Variants in VGLL3 observed in about 807,000 individuals in gnomAD.
VGLL3 encodes the protein transcription cofactor vestigial-like protein 3.
A neutral mutation model predicts 29.2 loss-of-function variants in VGLL3; 18 were observed. That is an observed-to-expected ratio of 0.62 (90% CI 0.43 to 0.91). VGLL3 has a LOEUF of 0.91. VGLL3 is among the 40% of genes least tolerant of loss of function. The probability of loss-of-function intolerance (pLI) is 0.00; values close to 1 mark genes in which losing one functional copy is unlikely to be tolerated. For missense variants in VGLL3, 440 were observed against 413.2 expected (o/e 1.06, Z -0.56); for synonymous variants, 180 against 151.8 (o/e 1.19, Z -1.36).
rs566410835 is a variant in VGLL3, at chr3:86,938,233, C to T, written c.*8791G>A. ...GGTAAACATTGTGTAATCATTATCA[C>T]AATCAAATTAATTAATACAACCATA... On this transcript the variant is annotated 3_prime_UTR_variant, in exon 4 of 4. Transcript: ENST00000398399. The T allele has an allele frequency of 5.9e-5, 9 of 152,174 alleles. No individual in the cohort carries two copies. The highest frequency in any genetic ancestry group is 1.7e-4 in the African/African-American group (7 of 41,524). The allele number at this position is 152,174 out of a possible 1,614,324, so 9.4% of individuals were successfully genotyped here. A position where few individuals can be genotyped will look rare whatever the true frequency, so the allele number is the denominator to read the frequency against.
intron 1 of VGLL3, among the ~76,000 whole-genome samples, chr3:86,988,282 T>C (rs1332766809): frequency 2.6e-5 from 4 of 152,154 alleles, no homozygotes; most frequent in Non-Finnish European, 5.9e-5. Context: ...GTAGGAGTTG[T>C]AGCCCTTACT....
intron 3 of VGLL3, among the ~76,000 whole-genome samples, chr3:86,968,191 G>T (rs1705004580): frequency 6.6e-6 from 1 of 151,944 alleles, no homozygotes; most frequent in Non-Finnish European, 1.5e-5. Context: ...CATACATAAG[G>T]CCTAACAAAA....
Position 86,962,609 on chromosome 3 carries a change from GA to G in VGLL3, c.937+5980del, listed in dbSNP as rs1055763514. Reference sequence around the variant, plus strand: ...TAAAAATTGCATATATATGCTCTTTGAAAAAAATTCAAAAAATATAGAAATA... The same window carrying G: ...TAAAAATTGCATATATATGCTCTTTGAAAAAATTCAAAAAATATAGAAATA... On this transcript the variant is annotated intron_variant, in intron 3 of 3. Coordinates refer to ENST00000398399, the MANE Select transcript of VGLL3 (RefSeq NM_016206.4). 3.1e-5 allele frequency: 29 copies of G among 950,266 alleles called. No homozygotes were observed. In the African/African-American group the frequency reaches 4.1e-4, roughly 13 times the overall value. 58.9% of individuals were successfully genotyped at this position (950,266 alleles called of 1,614,324 possible).
chr3:86,964,356 A>T (rs1704916830), intron 3 of VGLL3, among the ~76,000 whole-genome samples: 1 of 152,222 alleles, frequency 6.6e-6, no homozygotes, highest in Admixed American at 6.5e-5. Context: ...TATGCCATAC[A>T]TGATATTATA....
intron 3 of VGLL3, among the ~76,000 whole-genome samples, chr3:86,953,154 C>G (rs1268894515): frequency 1.3e-5 from 2 of 152,098 alleles, no homozygotes; most frequent in Admixed American, 1.3e-4. Context: ...TCATGGAATT[C>G]TTGCTTAAAA....
chr3:86,947,353 A>G (rs2106957138), intron 3 of VGLL3, among the ~76,000 whole-genome samples: 1 of 152,354 alleles, frequency 6.6e-6, no homozygotes, highest in South Asian at 2.1e-4. Flanking sequence ...GTATGAGTGA[A>G]TAGTAAATAG....
chr3:86,990,244 A>G, intron 1 of VGLL3: 1 of 945,608 alleles, frequency 1.1e-6, no homozygotes, highest in Non-Finnish European at 1.3e-6. Flanking sequence ...TAAAACCCTG[A>G]AACATTCCAT....
At chr3:86,978,230 C>A (rs1705249118) in intron 2 of VGLL3, among the ~76,000 whole-genome samples, 1 of 152,160 alleles carries the variant, frequency 6.6e-6, no homozygotes, top group Non-Finnish European at 1.5e-5. Context: ...AATTGGGCCA[C>A]TGGGGCTTTA....
chr3:86,962,655 T>G (rs1386884129), intron 3 of VGLL3: 2 of 884,818 alleles, frequency 2.3e-6, no homozygotes, highest in Non-Finnish European at 2.7e-6. Flanking sequence ...AAAAGTGAGG[T>G]TCTCTTAACC....
chr3:86,984,943 T>C (rs1458389493), intron 1 of VGLL3, among the ~76,000 whole-genome samples: 17 of 152,190 alleles, frequency 1.1e-4, no homozygotes, highest in South Asian at 2.1e-4. Flanking sequence ...AATTACTAAC[T>C]GTTTTCTTGT....
At chr3:86,975,752 A>G (rs1705196119) in intron 2 of VGLL3, among the ~76,000 whole-genome samples, 1 of 152,180 alleles carries the variant, frequency 6.6e-6, no homozygotes, top group South Asian at 2.1e-4. Context: ...GGATAATAGG[A>G]GATGAAAATT....
intron 1 of VGLL3, chr3:86,990,267 A>T (rs1705550696): frequency 1.0e-6 from 1 of 974,486 alleles, no homozygotes; most frequent in South Asian, 4.7e-5. Flanking sequence ...TTCCAAATAA[A>T]CAAAATAGTT....
At chr3:86,986,338 T>C (rs951453730) in intron 1 of VGLL3, among the ~76,000 whole-genome samples, 21 of 152,206 alleles carry the variant, frequency 1.4e-4, no homozygotes, top group African/African-American at 4.6e-4. Context: ...CATGATTTTA[T>C]GGTTCTCAAT....
chr3:86,954,851 C>A (rs1704684690), intron 3 of VGLL3, among the ~76,000 whole-genome samples: 1 of 148,728 alleles, frequency 6.7e-6, no homozygotes, highest in East Asian at 2.0e-4. Flanking sequence ...ATGGAATACT[C>A]TTTGTAATTT....
At chr3:86,988,640 CAAAAAAA>C (rs869098443) in intron 1 of VGLL3, among the ~76,000 whole-genome samples, 11 of 13,766 alleles carry the variant, frequency 8.0e-4, no homozygotes, top group African/African-American at 1.2e-3. Context: ...TTTACTTGAC[CAAAAAAA>C]AAAAAAAAAA....
intron 3 of VGLL3, among the ~76,000 whole-genome samples, chr3:86,950,620 A>T (rs1704596483): frequency 6.6e-6 from 1 of 152,194 alleles, no homozygotes; most frequent in Non-Finnish European, 1.5e-5. Flanking sequence ...AACAGAACTG[A>T]TATGAAGATT....
At chr3:86,966,237 A>C (rs1704956502) in intron 3 of VGLL3, among the ~76,000 whole-genome samples, 1 of 152,104 alleles carries the variant, frequency 6.6e-6, no homozygotes, top group Non-Finnish European at 1.5e-5. Context: ...TAAGCTGTAT[A>C]ACAAGGAAGG....
chr3:86,974,011 T>C (rs1705157570), intron 2 of VGLL3, among the ~76,000 whole-genome samples: 1 of 152,080 alleles, frequency 6.6e-6, no homozygotes, highest in Non-Finnish European at 1.5e-5. Flanking sequence ...CTGTGCTAAA[T>C]TAATCATATA....
In VGLL3 at chr3:86,968,747, C is replaced by A. The variant is rs1705017354; in HGVS notation, c.780G>T (p.Gly260=). The stretch of plus-strand genomic sequence containing the variant: ...CATGCACTGAAGGCATCAGCAGAGG[C>A]CCATAGGATGGATCCAGGGCAGAGC... ...PAGSALDPSY[G]PLLMPSVHAA... is the part of the protein sequence containing the mutation. The change falls in exon 3 of 4, where the codon GGG becomes GGT. Residue 260 remains glycine, a synonymous_variant. Coordinates refer to ENST00000398399, the MANE Select transcript of VGLL3 (RefSeq NM_016206.4). The A allele has an allele frequency of 3.1e-6, 5 of 1,613,996 alleles. No individual in the cohort carries two copies. The highest frequency in any genetic ancestry group is 4.2e-6 in the Non-Finnish European group (5 of 1,180,024).
Sources: allele counts gnomAD v4.1 joint callset (sites outside exome capture counted in the v4.1 genomes callset), GRCh38; gene constraint gnomAD v4.1.1; transcripts MANE v1.5; gene names NCBI Gene and HGNC (gene_info 2026-07-23, HGNC 2026-07-21).